Variants in MBNL1 observed in about 807,000 individuals in gnomAD.
The protein encoded by MBNL1 is muscleblind like splicing regulator 1.
MBNL1 carries 8 observed loss-of-function variants against 42.2 expected under a neutral mutation model. That is an observed-to-expected ratio of 0.19 (90% CI 0.11 to 0.34). The LOEUF is 0.34. MBNL1 is among the 10% of genes least tolerant of loss of function. The pLI is 1.00. For missense variants in MBNL1, 309 were observed against 495.3 expected, an observed-to-expected ratio of 0.62 and a Z score of 3.57; for synonymous variants, 169 against 173.9, an observed-to-expected ratio of 0.97 and a Z score of 0.22.
At chr3:152,293,068 T>G (rs773877607) in intron 1 of MBNL1, among the ~76,000 whole-genome samples, 8 of 152,200 alleles carry the variant, frequency 5.3e-5, no homozygotes, top group Non-Finnish European at 1.2e-4. Flanking sequence ...TGCCCGGCCC[T>G]TTAAATTTGT....
chr3:152,261,508 C>T (rs892095292), intron 2 of MBNL1, among the ~76,000 whole-genome samples: 4 of 152,260 alleles, frequency 2.6e-5, no homozygotes, highest in South Asian at 4.1e-4. Context: ...TTAAAGCAAA[C>T]GCTCTTGAGG....
chr3:152,297,500 C>T (rs2059129358), intron 1 of MBNL1, among the ~76,000 whole-genome samples: 2 of 151,880 alleles, frequency 1.3e-5, no homozygotes, highest in South Asian at 4.2e-4. Flanking sequence ...CAGGTGCCTG[C>T]CACCATGCCC....
At chr3:152,304,653 G>A (rs936168275) in intron 2 of MBNL1, among the ~76,000 whole-genome samples, 3 of 152,156 alleles carry the variant, frequency 2.0e-5, no homozygotes, top group Non-Finnish European at 4.4e-5. Context: ...TAATAACTTA[G>A]GAGATGAACT....
chr3:152,376,443 A>T (rs914331576), intron 2 of MBNL1, among the ~76,000 whole-genome samples: 2 of 152,166 alleles, frequency 1.3e-5, no homozygotes, highest in African/African-American at 4.8e-5. Flanking sequence ...AGACTCTCTT[A>T]AAAAAGAAGC....
At chr3:152,377,442 T>C (rs2153364895) in intron 2 of MBNL1, among the ~76,000 whole-genome samples, 1 of 152,348 alleles carries the variant, frequency 6.6e-6, no homozygotes, top group South Asian at 2.1e-4. Flanking sequence ...CATAGACCGT[T>C]AGTAAATTAA....
rs376440030 is a variant in MBNL1 at position 152,285,615 on chromosome 3, C to CT, written c.-789-13779dup. Among the ~76,000 whole-genome samples the CT allele has an allele frequency of 1.3e-3, 179 of 139,536 alleles. 1 individual carries two copies. Among genetic ancestry groups the CT allele is most frequent in the Non-Finnish European group, 1.1e-3 (71 of 64,916 alleles). The allele number at this position is 139,536 out of a possible 152,430, so 91.5% of individuals were successfully genotyped here. A position where few individuals can be genotyped will look rare whatever the true frequency, so the allele number is the denominator to read the frequency against. ...CTATGCTTGGCTTCTTCAGTGGAAA[C>CT]TTTTTTTTTTTCAATTTTTTTTTTT... On this transcript the variant is annotated intron_variant, in intron 1 of 9. Coordinates refer to ENST00000324210, the MANE Select transcript of MBNL1 (RefSeq NM_021038.5).
At chr3:152,374,040 C>T (rs2096792290) in intron 2 of MBNL1, among the ~76,000 whole-genome samples, 1 of 152,006 alleles carries the variant, frequency 6.6e-6, no homozygotes, top group Non-Finnish European at 1.5e-5. Flanking sequence ...CATATAATTT[C>T]TTGTGTATAT....
At position 152,464,335 on chromosome 3, in the gene MBNL1, T is replaced by C. The variant is rs931930887; in HGVS notation, c.*1969T>C. On this transcript the variant is annotated 3_prime_UTR_variant, in exon 10 of 10. Coordinates refer to ENST00000324210, the MANE Select transcript of MBNL1 (RefSeq NM_021038.5). ...GTTAACTAAATGATTTATATTTTAC[T>C]GATTTAATATTACAGTGTAAGAATG... is the stretch of plus-strand genomic sequence containing the variant. The C allele has an allele frequency of 9.2e-5, 14 of 152,712 alleles. No homozygotes were observed. Among genetic ancestry groups the C allele is most frequent in the Admixed American group, 1.3e-4 (2 of 15,284 alleles). 9.5% of individuals were successfully genotyped at this position (152,712 alleles called of 1,614,324 possible). A position where few individuals can be genotyped will look rare whatever the true frequency, so the allele number is the denominator to read the frequency against.
intron 2 of MBNL1, among the ~76,000 whole-genome samples, chr3:152,390,153 A>T (rs1172235799): frequency 2.8e-5 from 4 of 143,656 alleles, no homozygotes; most frequent in African/African-American, 1.0e-4. Flanking sequence ...ATTTATAATT[A>T]AAAAAAAAAA....
intron 2 of MBNL1, among the ~76,000 whole-genome samples, chr3:152,247,783 AT>A (rs2033470025): frequency 6.6e-6 from 1 of 151,466 alleles, no homozygotes; most frequent in African/African-American, 2.4e-5. Context: ...TTTTTATTTA[AT>A]TTTTTTGCTT....
intron 1 of MBNL1, among the ~76,000 whole-genome samples, chr3:152,277,314 T>G (rs2045825087): frequency 6.6e-6 from 1 of 152,160 alleles, no homozygotes; most frequent in Admixed American, 6.5e-5. Context: ...GAGAAATGTC[T>G]CAATGTCAAC....
chr3:152,461,721 T>C (rs1416233616), intron 9 of MBNL1, among the ~76,000 whole-genome samples: 1 of 152,222 alleles, frequency 6.6e-6, no homozygotes, highest in Non-Finnish European at 1.5e-5. Flanking sequence ...TATATGTAAA[T>C]ATTCGCTGCT....
intron 2 of MBNL1, among the ~76,000 whole-genome samples, chr3:152,334,058 C>T (rs1480753982): frequency 6.6e-6 from 1 of 152,156 alleles, no homozygotes; most frequent in East Asian, 1.9e-4. Flanking sequence ...GAGAACAGTG[C>T]TTGGCACTTA....
chr3:152,304,261 C>T (rs1382496151), intron 2 of MBNL1, among the ~76,000 whole-genome samples: 1 of 152,092 alleles, frequency 6.6e-6, no homozygotes, highest in Non-Finnish European at 1.5e-5. Context: ...ATAAAGTAGT[C>T]CCAAAGGTGG....
chr3:152,337,929 A>C (rs888016718), intron 2 of MBNL1: 3 of 190,512 alleles, frequency 1.6e-5, no homozygotes, highest in African/African-American at 7.1e-5. Flanking sequence ...CCGTTTTCTC[A>C]TCTAATTCCC....
At chr3:152,373,911 T>A (rs189267783) in intron 2 of MBNL1, among the ~76,000 whole-genome samples, 1 of 152,354 alleles carries the variant, frequency 6.6e-6, no homozygotes, top group East Asian at 1.9e-4. Context: ...GAGAATAGTG[T>A]AATATACCAT....
intron 2 of MBNL1, among the ~76,000 whole-genome samples, chr3:152,395,295 A>T (rs1272941006): frequency 1.3e-5 from 2 of 152,252 alleles, no homozygotes; most frequent in African/African-American, 2.4e-5. Flanking sequence ...TAACGGAGTG[A>T]CTAGTACATT....
At position 152,325,087 on chromosome 3, in the gene MBNL1, G is replaced by GCCCCCCCC. The variant is rs532842950; in HGVS notation, c.174+24722_174+24729dup. ...TGTTCCCATGTAATGCCACATACCC[G>GCCCCCCCC]CCCCCCCCCGCCCGCTTTTTTTTCA... On this transcript the variant is annotated intron_variant, in intron 2 of 9. Coordinates refer to ENST00000324210, the MANE Select transcript of MBNL1 (RefSeq NM_021038.5). 6.5e-4 allele frequency among the ~76,000 whole-genome samples: 10 copies of GCCCCCCCC among 15,362 alleles called. 1 individual carries two copies. Among genetic ancestry groups the GCCCCCCCC allele is most frequent in the South Asian group, 2.3e-3 (1 of 440 alleles). 10.1% of individuals were successfully genotyped at this position (15,362 alleles called of 152,430 possible). A position where few individuals can be genotyped will look rare whatever the true frequency, so the allele number is the denominator to read the frequency against.
At chr3:152,380,049 T>C (rs757528650) in intron 2 of MBNL1, among the ~76,000 whole-genome samples, 3 of 152,142 alleles carry the variant, frequency 2.0e-5, no homozygotes, top group Non-Finnish European at 4.4e-5. Context: ...TTGCTAGATA[T>C]GAAGATTTTT....
Sources: gnomAD v4.1 joint callset for allele counts (sites outside exome capture counted in the v4.1 genomes callset) on GRCh38, gnomAD v4.1.1 for gene constraint, MANE v1.5 for transcripts, NCBI Gene and HGNC (gene_info 2026-07-23, HGNC 2026-07-21) for gene names.